The following TGFA variants were observed in gnomAD, a reference collection of about 807,000 sequenced individuals.
TGFA encodes the protein transforming growth factor alpha, also known as protransforming growth factor alpha.
A neutral mutation model predicts 21.7 loss-of-function variants in TGFA; 12 were observed. The ratio of observed to expected loss-of-function variants is 0.55; its 90% CI spans 0.35 to 0.90. The LOEUF (loss-of-function observed/expected upper bound fraction) is 0.90, where lower values mean the gene tolerates loss of function less well. Ranked by LOEUF, TGFA falls within the 40% of genes least tolerant of loss-of-function variation. The pLI is 0.01. For missense variants in TGFA, 178 were observed against 210.8 expected, an observed-to-expected ratio of 0.84 and a Z score of 0.96; for synonymous variants, 79 against 88.1, an observed-to-expected ratio of 0.90 and a Z score of 0.58.
At chr2:70,482,296 T>A (rs1671149432) in intron 2 of TGFA, among the ~76,000 whole-genome samples, 1 of 152,216 alleles carries the variant, frequency 6.6e-6, no homozygotes, top group African/African-American at 2.4e-5. Context: ...CTATCCATTT[T>A]ACAGATGAGG....
At chr2:70,485,540 A>G (rs141486899) in intron 2 of TGFA, among the ~76,000 whole-genome samples, 2 of 152,300 alleles carry the variant, frequency 1.3e-5, no homozygotes, top group East Asian at 3.9e-4. Flanking sequence ...AAATTAGAAA[A>G]TAAATCCAGG....
chr2:70,491,278 C>A (rs1204933304), intron 2 of TGFA, among the ~76,000 whole-genome samples: 3 of 152,192 alleles, frequency 2.0e-5, no homozygotes, highest in Non-Finnish European at 2.9e-5. Context: ...TGGGGTCTCC[C>A]AGGACAAACC....
In TGFA at chr2:70,503,582, TA is replaced by T. The variant is rs1405451186; in HGVS notation, c.94+11276del. Reference sequence around the variant, plus strand: ...AAAACCTAAAGTATAATAATAATAATAAAAAAAAAAAAAGAAACTTGCCTAA... The same window carrying T: ...AAAACCTAAAGTATAATAATAATAATAAAAAAAAAAAAGAAACTTGCCTAA... On this transcript the variant is annotated intron_variant, in intron 2 of 5. Transcript: ENST00000295400. Among the ~76,000 whole-genome samples the T allele has an allele frequency of 3.8e-3, 542 of 142,806 alleles. 1 individual carries two copies. The highest frequency in any genetic ancestry group is 0.01 in the African/African-American group (396 of 38,382). 93.7% of individuals were successfully genotyped at this position (142,806 alleles called of 152,430 possible). A position where few individuals can be genotyped will look rare whatever the true frequency, so the allele number is the denominator to read the frequency against.
At chr2:70,552,732 A>G (rs1673551276) in intron 1 of TGFA, among the ~76,000 whole-genome samples, 3 of 152,204 alleles carry the variant, frequency 2.0e-5, no homozygotes, top group Non-Finnish European at 2.9e-5. Context: ...GAGGAGTTCC[A>G]TGGCTTTCCA....
rs545657786 is a variant in TGFA, at chr2:70,552,960, A to G, written c.40+768T>C. On this transcript the variant is annotated intron_variant, in intron 1 of 5. Coordinates refer to ENST00000295400, the MANE Select transcript of TGFA (RefSeq NM_003236.4). Reference sequence around the variant, plus strand: ...TCACCGCGTCCAGACAGACCCTTGAACTTCACCGCCAAAAAACGCACCGCT... The same window carrying G: ...TCACCGCGTCCAGACAGACCCTTGAGCTTCACCGCCAAAAAACGCACCGCT... 2.6e-5 allele frequency among the ~76,000 whole-genome samples: 4 copies of G among 152,324 alleles called. No homozygotes were observed. In the East Asian group the frequency reaches 7.7e-4, roughly 29 times the overall value.
chr2:70,486,702 T>C (rs1671280964), intron 2 of TGFA, among the ~76,000 whole-genome samples: 1 of 152,152 alleles, frequency 6.6e-6, no homozygotes, highest in South Asian at 2.1e-4. Flanking sequence ...GCTCAAGCTA[T>C]CTGCCTGCCA....
intron 5 of TGFA, among the ~76,000 whole-genome samples, chr2:70,451,448 G>T (rs11466272): frequency 1.5e-3 from 233 of 152,250 alleles, no homozygotes; most frequent in Non-Finnish European, 2.2e-3. Flanking sequence ...CATCCTTTAG[G>T]CCCAGCAGGC....
chr2:70,493,113 A>C (rs3771497), intron 2 of TGFA, among the ~76,000 whole-genome samples: 42,378 of 152,062 alleles, frequency 0.28, 6,601 homozygotes, highest in East Asian at 0.39. Flanking sequence ...ATATAGATGA[A>C]AGAATGTACA....
intron 2 of TGFA, among the ~76,000 whole-genome samples, chr2:70,493,858 C>A (rs556909377): frequency 6.6e-6 from 1 of 152,250 alleles, no homozygotes; most frequent in African/African-American, 2.4e-5. Context: ...AGGACCAACT[C>A]GTGTATACGC....
In TGFA at chr2:70,520,124, T is replaced by C. The variant is rs565003006; in HGVS notation, c.41-5212A>G. ...ACACAGCACTTGATGGGGCTTCATG[T>C]TGGTCCTGTTTCATCATAACTTCCA... is the stretch of plus-strand genomic sequence containing the variant. On this transcript the variant is annotated intron_variant, in intron 1 of 5. Transcript: ENST00000295400. 2.6e-5 allele frequency among the ~76,000 whole-genome samples: 4 copies of C among 152,290 alleles called. No homozygotes were observed. The East Asian group carries it at 5.8e-4, about 22-fold the overall frequency.
At chr2:70,537,153 A>G (rs192086384) in intron 1 of TGFA, among the ~76,000 whole-genome samples, 5 of 152,126 alleles carry the variant, frequency 3.3e-5, no homozygotes, top group Admixed American at 1.3e-4. Context: ...TGATGTTACT[A>G]TTGTAATTGT....
chr2:70,485,307 G>T lies in TGFA; in HGVS notation c.95-19571C>A, dbSNP rs892012671. On this transcript the variant is annotated intron_variant, in intron 2 of 5. Coordinates refer to ENST00000295400, the MANE Select transcript of TGFA (RefSeq NM_003236.4). ...AGGCTAGAGTGCAGTGGCACGATCT[G>T]GCTCACTGCAACCCCCGCCTCCTGG... 3.9e-5 allele frequency among the ~76,000 whole-genome samples: 6 copies of T among 151,968 alleles called. No homozygotes were observed. The East Asian group carries it at 7.7e-4, about 20-fold the overall frequency.
At chr2:70,500,793 G>T (rs1334488246) in intron 2 of TGFA, among the ~76,000 whole-genome samples, 2 of 152,186 alleles carry the variant, frequency 1.3e-5, no homozygotes, top group Admixed American at 6.5e-5. Context: ...GGAACTCCTT[G>T]TGTAGGCTTC....
rs1553507246 is a variant in TGFA at position 70,553,817 on chromosome 2, G to T, written c.-50C>A. 1.6e-6 allele frequency: 2 copies of T among 1,249,002 alleles called. No individual in the cohort carries two copies. Among genetic ancestry groups the T allele is most frequent in the Non-Finnish European group, 2.0e-6 (2 of 989,956 alleles). The allele number at this position is 1,249,002 out of a possible 1,614,324, so 77.4% of individuals were successfully genotyped here. On this transcript the variant is annotated 5_prime_UTR_variant, in exon 1 of 6. Coordinates refer to ENST00000295400, the MANE Select transcript of TGFA (RefSeq NM_003236.4). ...TCTCCAGCCTCCTGCCCTACCTGCG[G>T]TGCCCGAGTGGCGGAGCGGCGCCGC...
intron 2 of TGFA, among the ~76,000 whole-genome samples, chr2:70,501,454 T>C (rs1023085565): frequency 4.6e-5 from 7 of 152,132 alleles, no homozygotes; most frequent in Non-Finnish European, 8.8e-5. Context: ...TCATCTCTGA[T>C]GCCCAGTACA....
intron 1 of TGFA, among the ~76,000 whole-genome samples, chr2:70,516,531 A>G (rs1162450260): frequency 9.4e-5 from 14 of 149,512 alleles, no homozygotes; most frequent in Non-Finnish European, 1.6e-4. Flanking sequence ...CTGGAGTTGG[A>G]GGCAGGGCAG....
chr2:70,541,810 G>T (rs782132326), intron 1 of TGFA, among the ~76,000 whole-genome samples: 5 of 152,142 alleles, frequency 3.3e-5, no homozygotes, highest in Non-Finnish European at 7.3e-5. Context: ...CAGGCCCCAG[G>T]CTTGCTTTCA....
At chr2:70,505,435 T>C (rs1472397759) in intron 2 of TGFA, among the ~76,000 whole-genome samples, 2 of 152,192 alleles carry the variant, frequency 1.3e-5, no homozygotes, top group African/African-American at 4.8e-5. Flanking sequence ...TAGAGGCTCC[T>C]GTGGACTGTT....
chr2:70,472,938 T>C (rs1015174741), intron 2 of TGFA, among the ~76,000 whole-genome samples: 25 of 152,264 alleles, frequency 1.6e-4, no homozygotes, highest in Non-Finnish European at 4.4e-5. Flanking sequence ...ACTAAATATT[T>C]TGTCTTCAGA....
Sources: allele counts gnomAD v4.1 joint callset (sites outside exome capture counted in the v4.1 genomes callset), GRCh38; gene constraint gnomAD v4.1.1; transcripts MANE v1.5; gene names NCBI Gene and HGNC (gene_info 2026-07-23, HGNC 2026-07-21).